RERE: variants seen among roughly 807,000 people sequenced by gnomAD.
RERE encodes the protein arginine-glutamic acid dipeptide repeats protein.
Under a neutral mutation model 146.1 loss-of-function variants are expected in RERE, and 40 were observed. That is an observed-to-expected ratio of 0.27 (90% CI 0.21 to 0.36). The LOEUF (loss-of-function observed/expected upper bound fraction) is 0.36, where lower values mean the gene tolerates loss of function less well. RERE is among the 10% of genes least tolerant of loss of function. The probability of loss-of-function intolerance (pLI) is 1.00; values close to 1 mark genes in which losing one functional copy is unlikely to be tolerated. For synonymous variants in RERE, 1,003 were observed against 866.0 expected (o/e 1.16, Z -2.78); for missense variants, 1,933 against 2,138.7 (o/e 0.90, Z 1.90).
chr1:8,467,644 TA>T (rs1425506917), intron 10 of RERE, among the ~76,000 whole-genome samples: 4 of 152,200 alleles, frequency 2.6e-5, no homozygotes, highest in South Asian at 4.1e-4. Context: ...CATTTTCTTT[TA>T]TTTTTTTCTT....
chr1:8,397,638 A>G (rs990124977), intron 12 of RERE, among the ~76,000 whole-genome samples: 1 of 151,840 alleles, frequency 6.6e-6, no homozygotes, highest in Non-Finnish European at 1.5e-5. Flanking sequence ...CAATAACCCA[A>G]CTGTGCTACA....
chr1:8,621,161 G>C (rs1288121536), intron 3 of RERE, among the ~76,000 whole-genome samples: 1 of 152,144 alleles, frequency 6.6e-6, no homozygotes, highest in Non-Finnish European at 1.5e-5. Context: ...TTTTGAGAGT[G>C]AAAGGGGAGG....
At chr1:8,376,042 T>C (rs761216000) in intron 12 of RERE, among the ~76,000 whole-genome samples, 1 of 152,258 alleles carries the variant, frequency 6.6e-6, no homozygotes, top group Non-Finnish European at 1.5e-5. Context: ...CACAGTGAGA[T>C]GAAGCCATGT....
rs1320422242 is a variant in RERE, at chr1:8,536,103, T to C, written c.830+5111A>G. Among the ~76,000 whole-genome samples, 3 of 110,880 alleles carry C rather than the reference T, an allele frequency of 2.7e-5. No homozygotes were observed. In the East Asian group the frequency reaches 7.1e-4, roughly 26 times the overall value. The allele number at this position is 110,880 out of a possible 152,430, so 72.7% of individuals were successfully genotyped here. A position where few individuals can be genotyped will look rare whatever the true frequency, so the allele number is the denominator to read the frequency against. Reference sequence around the variant, plus strand: ...CCTGGCGATAGAGCGAGACTCCATCTCAAAAAAAAAAAAAAAAATCAGATA... The same window carrying C: ...CCTGGCGATAGAGCGAGACTCCATCCCAAAAAAAAAAAAAAAAATCAGATA... On this transcript the variant is annotated intron_variant, in intron 7 of 22. Coordinates refer to ENST00000400908, the MANE Select transcript of RERE (RefSeq NM_001042681.2).
At chr1:8,599,694 A>G (rs968380921) in intron 4 of RERE, among the ~76,000 whole-genome samples, 1 of 152,184 alleles carries the variant, frequency 6.6e-6, no homozygotes, top group African/African-American at 2.4e-5. Context: ...ATAATGAAAC[A>G]TTGTAAGAAG....
At chr1:8,436,244 G>A (rs955153216) in intron 11 of RERE, among the ~76,000 whole-genome samples, 6 of 152,158 alleles carry the variant, frequency 3.9e-5, no homozygotes, top group African/African-American at 7.2e-5. Context: ...GCTTGAACCC[G>A]GGAGACAGAG....
chr1:8,704,327 T>G (rs923522390), intron 1 of RERE, among the ~76,000 whole-genome samples: 1 of 152,262 alleles, frequency 6.6e-6, no homozygotes, highest in African/African-American at 2.4e-5. Context: ...ATTTTTTAAA[T>G]GTATTCCTAT....
Position 8,732,179 on chromosome 1 carries a change from T to G in RERE, c.-144-75738A>C, listed in dbSNP as rs1640100691. 1.3e-5 allele frequency among the ~76,000 whole-genome samples: 2 copies of G among 152,172 alleles called. 1 individual carries two copies. The highest frequency in any genetic ancestry group is 4.1e-4 in the South Asian group (2 of 4,838). The stretch of plus-strand genomic sequence containing the variant: ...GCATTTGTCCAACTGACTTAAAAAC[T>G]TATGTCCATACAAAAATCTGCACAA... On this transcript the variant is annotated intron_variant, in intron 1 of 22. Coordinates refer to ENST00000400908, the MANE Select transcript of RERE (RefSeq NM_001042681.2).
rs116594764 is a variant in RERE at position 8,652,666 on chromosome 1, C to T, written c.325+3307G>A. Among the ~76,000 whole-genome samples, 171 of 152,204 alleles carry T rather than the reference C, an allele frequency of 1.1e-3. 2 individuals carry two copies. Among genetic ancestry groups the T allele is most frequent in the African/African-American group, 4.0e-3 (168 of 41,530 alleles). On this transcript the variant is annotated intron_variant, in intron 2 of 22. Coordinates refer to ENST00000400908, the MANE Select transcript of RERE (RefSeq NM_001042681.2). ...GAAGGGCTGAGCAAAGGTGGAAAGG[C>T]CCCTTATAAAACCATCATATCCTGT...
At chr1:8,611,834 G>A (rs1273321047) in intron 4 of RERE, among the ~76,000 whole-genome samples, 1 of 152,194 alleles carries the variant, frequency 6.6e-6, no homozygotes, top group African/African-American at 2.4e-5. Flanking sequence ...TGGTTTCTAT[G>A]TAAATCAGCT....
intron 8 of RERE, among the ~76,000 whole-genome samples, chr1:8,502,389 G>A (rs1316002382): frequency 2.5e-5 from 3 of 120,454 alleles, no homozygotes; most frequent in Non-Finnish European, 5.2e-5. Context: ...GGTGAGGGGC[G>A]CCTCTGCCCG....
At chr1:8,706,210 T>G (rs1639558749) in intron 1 of RERE, among the ~76,000 whole-genome samples, 1 of 150,444 alleles carries the variant, frequency 6.6e-6, no homozygotes, top group Non-Finnish European at 1.5e-5. Context: ...TCCCAGCCGC[T>G]CAGGAGGCTG....
chr1:8,525,401 G>T (rs1645557683), intron 7 of RERE, among the ~76,000 whole-genome samples: 1 of 152,222 alleles, frequency 6.6e-6, no homozygotes, highest in South Asian at 2.1e-4. Flanking sequence ...ACAAGGCAAG[G>T]GGGCGGCCTG....
intron 11 of RERE, among the ~76,000 whole-genome samples, chr1:8,437,181 G>C (rs1052833620): frequency 6.6e-6 from 1 of 152,152 alleles, no homozygotes; most frequent in African/African-American, 2.4e-5. Context: ...TGAAGACCTC[G>C]ACCAGCACCA....
chr1:8,440,615 C>T (rs970356452), intron 11 of RERE, among the ~76,000 whole-genome samples: 2 of 135,308 alleles, frequency 1.5e-5, no homozygotes, highest in Non-Finnish European at 3.2e-5. Flanking sequence ...AGGCTGGGCA[C>T]GGTGGCTCCT....
intron 12 of RERE, among the ~76,000 whole-genome samples, chr1:8,407,050 G>A (rs1643464426): frequency 6.6e-6 from 1 of 152,218 alleles, no homozygotes; most frequent in Non-Finnish European, 1.5e-5. Flanking sequence ...TGAACATGGA[G>A]GATGAAGTCC....
chr1:8,632,606 T>A (rs922967648), intron 2 of RERE, among the ~76,000 whole-genome samples: 13 of 152,204 alleles, frequency 8.5e-5, no homozygotes, highest in African/African-American at 2.9e-4. Flanking sequence ...ATATTTCTAT[T>A]CAAAGAAATT....
intron 12 of RERE, 126 bp from the exon 13 acceptor site, chr1:8,366,100 CGCTCCT>C (rs1641794579): frequency 4.9e-6 from 5 of 1,012,332 alleles, no homozygotes; most frequent in Non-Finnish European, 7.2e-6. Flanking sequence ...AAAGACCAGT[CGCTCCT>C]GGAGTTGGGA....
chr1:8,738,862 C>T (rs1010188814), intron 1 of RERE, among the ~76,000 whole-genome samples: 16 of 152,170 alleles, frequency 1.1e-4, no homozygotes, highest in Admixed American at 9.2e-4. Flanking sequence ...TCACACTCTT[C>T]CTGGGCAATC....
Sources: gnomAD v4.1 joint callset for allele counts (sites outside exome capture counted in the v4.1 genomes callset) on GRCh38, gnomAD v4.1.1 for gene constraint, MANE v1.5 for transcripts, NCBI Gene and HGNC (gene_info 2026-07-23, HGNC 2026-07-21) for gene names.